The following CCDC14 variants were observed in gnomAD, a reference collection of about 807,000 sequenced individuals.
CCDC14 encodes coiled-coil domain containing 14.
In CCDC14, 71 loss-of-function variants were observed where a neutral mutation model predicts 81.4. The ratio of observed to expected loss-of-function variants is 0.87; its 90% CI spans 0.72 to 1.06. CCDC14 has a LOEUF of 1.06. Among genes scored for constraint, CCDC14 ranks in the 50% least tolerant of loss-of-function variants. CCDC14 has a pLI of 0.00. For synonymous variants in CCDC14, 332 were observed against 364.8 expected, an observed-to-expected ratio of 0.91 and a Z score of 1.03; for missense variants, 1,046 against 1,047.3, an observed-to-expected ratio of 1.00 and a Z score of 0.02.
chr3:123,926,762 A>T (rs1401380629), intron 12 of CCDC14, among the ~76,000 whole-genome samples: 1 of 152,124 alleles, frequency 6.6e-6, no homozygotes, highest in African/African-American at 2.4e-5. Context: ...TGTACCTTTC[A>T]GTCCCATTAC....
intron 5 of CCDC14, 119 bp from the exon 6 acceptor site, chr3:123,949,251 G>C (rs1233351095): frequency 3.2e-6 from 2 of 622,912 alleles, no homozygotes; most frequent in East Asian, 2.7e-5. Flanking sequence ...CTTCATAGAA[G>C]GGCTTTACCA....
intron 12 of CCDC14, among the ~76,000 whole-genome samples, chr3:123,921,987 A>AT (rs1451289577): frequency 1.3e-5 from 2 of 152,188 alleles, no homozygotes; most frequent in Non-Finnish European, 2.9e-5. Context: ...AGACCACAAA[A>AT]TAAGTCTTAA....
rs377549231 is a variant in CCDC14 at position 123,931,360 on chromosome 3, A to C, written c.1593T>G (p.Thr531=). 3.1e-4 allele frequency: 472 copies of C among 1,523,718 alleles called. 1 individual carries two copies. Among genetic ancestry groups the C allele is most frequent in the Non-Finnish European group, 3.9e-4 (438 of 1,121,582 alleles). 94.4% of individuals were successfully genotyped at this position (1,523,718 alleles called of 1,614,324 possible). ...FSSIFKDKDQ[T]ILENKQQYDI... Reference sequence around the variant, plus strand: ...CATATTGCTGTTTATTTTCAAGTATAGTTTGATCTTTGTCTTTAAATATAC... The same window carrying C: ...CATATTGCTGTTTATTTTCAAGTATCGTTTGATCTTTGTCTTTAAATATAC... The change falls in exon 11 of 13, where the codon ACT becomes ACG. Residue 531 remains threonine, a synonymous_variant. Transcript: ENST00000409697.
At chr3:123,906,264 A>G (rs1227848370) in intron 5 of CCDC14, among the ~76,000 whole-genome samples, 4 of 152,158 alleles carry the variant, frequency 2.6e-5, no homozygotes, top group African/African-American at 4.8e-5. Flanking sequence ...CGGGAGGCGG[A>G]GTTTGCAGTG....
chr3:123,911,298 G>A (rs767859955), downstream of CCDC14, among the ~76,000 whole-genome samples: 1 of 152,168 alleles, frequency 6.6e-6, no homozygotes, highest in Non-Finnish European at 1.5e-5. Context: ...TCTACAAGTG[G>A]TAATATTAAT....
At chr3:123,941,181 G>C (rs2036330482) in intron 9 of CCDC14, among the ~76,000 whole-genome samples, 2 of 151,986 alleles carry the variant, frequency 1.3e-5, no homozygotes, top group East Asian at 1.9e-4. Flanking sequence ...AAATGTGCCA[G>C]GCCTTCTGGT....
At position 123,956,434 on chromosome 3, in the gene CCDC14, A is replaced by G; in HGVS notation, c.87-7T>C. 1 of 1,530,822 alleles carries G rather than the reference A, an allele frequency of 6.5e-7. No individual in the cohort carries two copies. Among genetic ancestry groups the G allele is most frequent in the Non-Finnish European group, 8.8e-7 (1 of 1,132,070 alleles). The allele number at this position is 1,530,822 out of a possible 1,614,324, so 94.8% of individuals were successfully genotyped here. The stretch of plus-strand genomic sequence containing the variant: ...TATTTTTCTTAAATAGGTCCTGGAA[A>G]ACAAGCTTATTAATATTCTTACAAA... On this transcript the variant is annotated splice_region_variant and splice_polypyrimidine_tract_variant and intron_variant, in intron 2 of 12. Coordinates refer to ENST00000409697, the MANE Select transcript of CCDC14 (RefSeq NM_001366335.1).
Position 123,949,043 on chromosome 3 carries a change from G to A in CCDC14, c.442C>T (p.Gln148Ter), listed in dbSNP as rs780560013. 2 of 1,613,516 alleles carry A rather than the reference G, an allele frequency of 1.2e-6. No individual in the cohort carries two copies. The highest frequency in any genetic ancestry group is 8.5e-7 in the Non-Finnish European group (1 of 1,179,616). The change falls in exon 6 of 13, where the codon CAA (glutamine) becomes TAA (stop). Residue 148 changes from glutamine (Q) to a stop codon, truncating the protein, a stop_gained. Coordinates refer to ENST00000409697, the MANE Select transcript of CCDC14 (RefSeq NM_001366335.1). LOFTEE classifies it high-confidence loss of function. ...TSDLEQNWSL[Q>*]DHYRMYSPII... ...GGTGAATACATTCTATAATGATCTT[G>A]CAATGACCAGTTTTGCTCTAGGTCT...
downstream of CCDC14, among the ~76,000 whole-genome samples, chr3:123,912,772 A>G (rs943073318): frequency 6.6e-6 from 1 of 152,086 alleles, no homozygotes; most frequent in Admixed American, 6.6e-5. Context: ...AAATACTCCA[A>G]TGACTTAATG....
downstream of CCDC14, among the ~76,000 whole-genome samples, chr3:123,911,604 A>C (rs1219737871): frequency 6.6e-6 from 1 of 152,120 alleles, no homozygotes; most frequent in African/African-American, 2.4e-5. Context: ...AGAACTGACT[A>C]TATGTTCCTT....
intron 12 of CCDC14, among the ~76,000 whole-genome samples, chr3:123,928,254 T>C (rs147644248): frequency 2.0e-5 from 3 of 149,844 alleles, no homozygotes; most frequent in East Asian, 4.0e-4. Context: ...TCCCAGCACT[T>C]TGGGAGGCTG....
Position 123,954,883 on chromosome 3 carries a change from T to C in CCDC14, c.352+960A>G, listed in dbSNP as rs376229558. The C allele has an allele frequency of 3.3e-5, 5 of 152,294 alleles. No individual in the cohort carries two copies. The East Asian group carries it at 9.6e-4, about 29-fold the overall frequency. 9.4% of individuals were successfully genotyped at this position (152,294 alleles called of 1,614,324 possible). On this transcript the variant is annotated intron_variant, in intron 5 of 12. Transcript: ENST00000409697. ...TACTAGTCACATTTCAAGTGCTGAA[T>C]AGCCACATGTGGCCAGTGGCTACCA...
intron 3 of CCDC14, 98 bp downstream of exon 3, chr3:123,956,257 T>C: frequency 1.6e-6 from 2 of 1,231,534 alleles, no homozygotes; most frequent in Non-Finnish European, 2.3e-6. Flanking sequence ...GACTTCATAC[T>C]TCCTTAGAGC....
Position 123,914,950 on chromosome 3 carries a change from A to C in CCDC14, c.2547T>G (p.Thr849=). 6.2e-7 allele frequency: 1 copy of C among 1,614,058 alleles called. No homozygotes were observed. The highest frequency in any genetic ancestry group is 1.1e-5 in the South Asian group (1 of 91,084). Residue 849 remains threonine, a synonymous_variant, in exon 13 of 13, where the codon ACT becomes ACG. Coordinates refer to ENST00000409697, the MANE Select transcript of CCDC14 (RefSeq NM_001366335.1). ...LSNSLQVKGN[T]VCDGSVFTSD... is the part of the protein sequence containing the mutation. ...AAGTGAAAACACTACCATCACAGAC[A>C]GTATTGCCTTTCACTTGAAGGCTGT...
At chr3:123,946,765 A>G (rs772074374) in intron 8 of CCDC14, 38 bp downstream of exon 8, 9 of 1,564,972 alleles carry the variant, frequency 5.8e-6, no homozygotes, top group South Asian at 1.2e-5. Context: ...GCTATTTAGT[A>G]TAACACCATA....
chr3:123,921,435 G>A (rs1208409877), intron 12 of CCDC14, among the ~76,000 whole-genome samples: 1 of 152,132 alleles, frequency 6.6e-6, no homozygotes, highest in Non-Finnish European at 1.5e-5. Context: ...AAGAAGCAAA[G>A]AAGGTCACTA....
intron 9 of CCDC14, among the ~76,000 whole-genome samples, chr3:123,940,111 T>C (rs2036271475): frequency 6.6e-6 from 1 of 151,610 alleles, no homozygotes; most frequent in African/African-American, 2.4e-5. Context: ...ACTATGAATT[T>C]AGTAGCAATT....
rs1472716255 is a variant in CCDC14, at chr3:123,913,942, T to C, written c.*837A>G. 1.0e-6 allele frequency: 1 copy of C among 985,064 alleles called. No individual in the cohort carries two copies. Among genetic ancestry groups the C allele is most frequent in the African/African-American group, 1.7e-5 (1 of 57,206 alleles). The allele number at this position is 985,064 out of a possible 1,614,324, so 61.0% of individuals were successfully genotyped here. On this transcript the variant is annotated 3_prime_UTR_variant, in exon 13 of 13. Transcript: ENST00000409697. Reference sequence around the variant, plus strand: ...TTCATATTATTTATAAAATAGAGAATATTCTCAGCTAACATGCTGGGAGAA... The same window carrying C: ...TTCATATTATTTATAAAATAGAGAACATTCTCAGCTAACATGCTGGGAGAA...
downstream of CCDC14, among the ~76,000 whole-genome samples, chr3:123,896,330 C>T (rs554127590): frequency 6.6e-6 from 1 of 152,272 alleles, no homozygotes; most frequent in Admixed American, 6.5e-5. Flanking sequence ...GCCCCTTGAC[C>T]TTGGACTTCT....
Sources: gnomAD v4.1 joint callset for allele counts (sites outside exome capture counted in the v4.1 genomes callset) on GRCh38, gnomAD v4.1.1 for gene constraint, MANE v1.5 for transcripts, NCBI Gene and HGNC (gene_info 2026-07-23, HGNC 2026-07-21) for gene names.